The following WNT7A variants were observed in gnomAD, a reference collection of about 807,000 sequenced individuals.
WNT7A encodes the protein protein Wnt-7a.
A neutral mutation model predicts 28.2 loss-of-function variants in WNT7A; 16 were observed. The ratio of observed to expected loss-of-function variants is 0.57; its 90% CI spans 0.38 to 0.86. The LOEUF is 0.86. Among genes scored for constraint, WNT7A ranks in the 40% least tolerant of loss-of-function variants. WNT7A has a pLI of 0.00. For missense variants in WNT7A, 411 were observed against 489.7 expected (o/e 0.84, Z 1.52); for synonymous variants, 190 against 195.9 (o/e 0.97, Z 0.25).
intron 3 of WNT7A, among the ~76,000 whole-genome samples, chr3:13,850,635 T>A (rs1462336087): frequency 6.6e-6 from 1 of 152,072 alleles, no homozygotes; most frequent in African/African-American, 2.4e-5. Context: ...CTGCCTCTCC[T>A]GGGCTCAGTC....
chr3:13,854,883 G>A, intron 2 of WNT7A, 80 bp from the exon 3 acceptor site: 1 of 1,570,954 alleles, frequency 6.4e-7, no homozygotes, highest in Non-Finnish European at 8.7e-7. Context: ...ACTGAAGAGT[G>A]AGGCTGAGCT....
At chr3:13,865,240 C>T (rs1168279606) in intron 2 of WNT7A, among the ~76,000 whole-genome samples, 1 of 152,158 alleles carries the variant, frequency 6.6e-6, no homozygotes, top group Non-Finnish European at 1.5e-5. Flanking sequence ...CCGGCAGGCA[C>T]CCTGACTCTC....
rs74932997 is a variant in WNT7A, at chr3:13,819,438, G to A, written c.571-15C>T. Reference sequence around the variant, plus strand: ...TCCTCCAGGATCTGCAGGGGAGGGCGGGGAAGAGCACAGCACAGGTCACTG... The same window carrying A: ...TCCTCCAGGATCTGCAGGGGAGGGCAGGGAAGAGCACAGCACAGGTCACTG... On this transcript the variant is annotated splice_polypyrimidine_tract_variant and intron_variant, in intron 3 of 3. Transcript: ENST00000285018. The A allele has an allele frequency of 4.5e-4, 726 of 1,610,040 alleles. 3 individuals carry two copies. The African/African-American group carries it at 8.4e-3, about 19-fold the overall frequency.
intron 2 of WNT7A, 118 bp downstream of exon 2, chr3:13,874,829 C>T: frequency 3.8e-6 from 4 of 1,051,928 alleles, no homozygotes; most frequent in Non-Finnish European, 5.8e-6. Context: ...CCTGCAGGAC[C>T]CCATACTGAG....
chr3:13,824,039 C>T (rs1302173817), intron 3 of WNT7A, among the ~76,000 whole-genome samples: 3 of 152,198 alleles, frequency 2.0e-5, no homozygotes, highest in African/African-American at 7.2e-5. Flanking sequence ...TCTTTGAATT[C>T]CTTTACTTTT....
intron 3 of WNT7A, among the ~76,000 whole-genome samples, chr3:13,847,194 T>C (rs941837480): frequency 2.0e-5 from 3 of 152,210 alleles, no homozygotes; most frequent in East Asian, 3.9e-4. Context: ...CTCCAACCCA[T>C]CCTTGGTAGC....
intron 3 of WNT7A, among the ~76,000 whole-genome samples, chr3:13,824,050 G>T (rs1694150078): frequency 6.6e-6 from 1 of 152,154 alleles, no homozygotes. Context: ...CTTTACTTTT[G>T]TCCTTTTATT....
At chr3:13,840,322 T>C (rs1694435828) in intron 3 of WNT7A, among the ~76,000 whole-genome samples, 1 of 152,212 alleles carries the variant, frequency 6.6e-6, no homozygotes, top group African/African-American at 2.4e-5. Flanking sequence ...TCCATATATA[T>C]ATTCTATTAT....
intron 3 of WNT7A, among the ~76,000 whole-genome samples, chr3:13,847,191 C>T (rs1694550921): frequency 6.6e-6 from 1 of 152,202 alleles, no homozygotes; most frequent in African/African-American, 2.4e-5. Context: ...CCCCTCCAAC[C>T]CATCCTTGGT....
Position 13,880,040 on chromosome 3 carries a change from C to A in WNT7A, c.-224G>T. On this transcript the variant is annotated 5_prime_UTR_variant, in exon 1 of 4. Coordinates refer to ENST00000285018, the MANE Select transcript of WNT7A (RefSeq NM_004625.4). ...GGAGCGAGCGCGGCGTGGGGCGACGCCGGGCTGCGCGCGAGCGACCGGTGC... is the reference window on the plus strand; with the variant it reads ...GGAGCGAGCGCGGCGTGGGGCGACGACGGGCTGCGCGCGAGCGACCGGTGC... 2.8e-6 allele frequency: 1 copy of A among 355,300 alleles called. No individual in the cohort carries two copies. Among genetic ancestry groups the A allele is most frequent in the East Asian group, 4.2e-5 (1 of 23,612 alleles). The allele number at this position is 355,300 out of a possible 1,614,324, so 22.0% of individuals were successfully genotyped here. A position where few individuals can be genotyped will look rare whatever the true frequency, so the allele number is the denominator to read the frequency against.
At chr3:13,828,227 A>T (rs953421214) in intron 3 of WNT7A, among the ~76,000 whole-genome samples, 2 of 152,230 alleles carry the variant, frequency 1.3e-5, no homozygotes, top group Admixed American at 6.5e-5. Flanking sequence ...AGATACGAAC[A>T]GGAGGGAATG....
intron 3 of WNT7A, among the ~76,000 whole-genome samples, chr3:13,830,715 T>G (rs999762044): frequency 2.0e-5 from 3 of 152,276 alleles, no homozygotes; most frequent in Middle Eastern, 3.4e-3. Flanking sequence ...GAGGCCCCTT[T>G]TCCCCAAGCC....
intron 3 of WNT7A, among the ~76,000 whole-genome samples, chr3:13,853,850 G>A (rs970216075): frequency 4.6e-5 from 7 of 152,214 alleles, no homozygotes; most frequent in African/African-American, 1.4e-4. Context: ...GGGAAGCCAC[G>A]TGTCCTCCTC....
chr3:13,831,252 G>C (rs1183794681), intron 3 of WNT7A, among the ~76,000 whole-genome samples: 3 of 152,168 alleles, frequency 2.0e-5, no homozygotes, highest in Admixed American at 1.3e-4. Flanking sequence ...AATAAAAGCC[G>C]CTGCCTCCGA....
chr3:13,857,509 G>A lies in WNT7A; in HGVS notation c.299-2706C>T, dbSNP rs566154874. Among the ~76,000 whole-genome samples the A allele has an allele frequency of 6.7e-4, 102 of 152,278 alleles. 2 individuals are homozygous for A. Among genetic ancestry groups the A allele is most frequent in the Admixed American group, 5.4e-3 (83 of 15,304 alleles). On this transcript the variant is annotated intron_variant, in intron 2 of 3. Coordinates refer to ENST00000285018, the MANE Select transcript of WNT7A (RefSeq NM_004625.4). Reference sequence around the variant, plus strand: ...AGGTGGGCAGGTGGGGTTGGAGGAAGCCAGAATCTCCTGGAAATTGATCGC... The same window carrying A: ...AGGTGGGCAGGTGGGGTTGGAGGAAACCAGAATCTCCTGGAAATTGATCGC...
chr3:13,854,570 T>C lies in WNT7A; in HGVS notation c.532A>G (p.Thr178Ala), dbSNP rs1020532769. 6.2e-7 allele frequency: 1 copy of C among 1,614,074 alleles called. No individual in the cohort carries two copies. The highest frequency in any genetic ancestry group is 1.1e-5 in the South Asian group (1 of 91,080). ...TCGTTGTTGTGCAAGTTCATGAGAG[T>C]CCGGGCATTCTGCTTGATCTCCCGG... ...DAREIKQNAR[T>A]LMNLHNNEAG... Residue 178 changes from threonine (T) to alanine (A), a missense_variant, in exon 3 of 4, where the codon ACT becomes GCT. Physicochemically the swap from Thr to Ala is moderately conservative, Grantham distance 58 (BLOSUM62 0). Transcript: ENST00000285018.
Position 13,818,361 on chromosome 3 carries a change from A to AAAAAAAAAAAAAAAAAAAAAAAAAAC in WNT7A, c.*582_*583insGTTTTTTTTTTTTTTTTTTTTTTTTT. 6.6e-6 allele frequency: 1 copy of AAAAAAAAAAAAAAAAAAAAAAAAAAC among 150,532 alleles called. No individual in the cohort carries two copies. The highest frequency in any genetic ancestry group is 1.9e-4 in the East Asian group (1 of 5,132). The allele number at this position is 150,532 out of a possible 1,614,324, so 9.3% of individuals were successfully genotyped here. On this transcript the variant is annotated 3_prime_UTR_variant, in exon 4 of 4. Transcript: ENST00000285018. ...AGTAGCAGCAAACAGCAAAAAAAAA[A>AAAAAAAAAAAAAAAAAAAAAAAAAAC]AAAAAAATGTGTGTGTGTATATCTA... is the stretch of plus-strand genomic sequence containing the variant.
chr3:13,870,848 C>G (rs1200116144), intron 2 of WNT7A, among the ~76,000 whole-genome samples: 1 of 152,210 alleles, frequency 6.6e-6, no homozygotes, highest in Non-Finnish European at 1.5e-5. Context: ...AGCACCATGC[C>G]CTGGCTCTCC....
At chr3:13,819,520 C>A in intron 3 of WNT7A, 97 bp from the exon 4 acceptor site, 1 of 1,445,572 alleles carries the variant, frequency 6.9e-7, no homozygotes, top group Non-Finnish European at 9.1e-7. Flanking sequence ...CCTGCCCCAC[C>A]TATCTGGGTC....
Sources: allele counts gnomAD v4.1 joint callset (sites outside exome capture counted in the v4.1 genomes callset), GRCh38; gene constraint gnomAD v4.1.1; transcripts MANE v1.5; gene names NCBI Gene and HGNC (gene_info 2026-07-23, HGNC 2026-07-21).